Variants in AKAP6 observed in about 807,000 individuals in gnomAD.
The protein encoded by AKAP6 is A-kinase anchoring protein 6.
Under a neutral mutation model 188.5 loss-of-function variants are expected in AKAP6, and 58 were observed. The ratio of observed to expected loss-of-function variants is 0.31; its 90% CI spans 0.25 to 0.38. The LOEUF (loss-of-function observed/expected upper bound fraction) is 0.38, where lower values mean the gene tolerates loss of function less well. Among genes scored for constraint, AKAP6 ranks in the 10% least tolerant of loss-of-function variants. The pLI, the probability that AKAP6 is intolerant of heterozygous loss-of-function variation, is 1.00. For missense variants in AKAP6, 2,710 were observed against 2,740.0 expected (o/e 0.99, Z 0.24); for synonymous variants, 989 against 998.6 (o/e 0.99, Z 0.18).
intron 6 of AKAP6, among the ~76,000 whole-genome samples, chr14:32,600,167 T>C (rs144901851): frequency 3.9e-5 from 6 of 152,312 alleles, no homozygotes; most frequent in Admixed American, 3.3e-4. Flanking sequence ...ACAGTATTAA[T>C]TGGATTTACT....
chr14:32,524,176 G>A (rs1882005808), intron 2 of AKAP6, among the ~76,000 whole-genome samples: 2 of 151,810 alleles, frequency 1.3e-5, no homozygotes, highest in Non-Finnish European at 2.9e-5. Context: ...AAATGGAGAA[G>A]AGACTTAAAA....
chr14:32,638,140 C>T lies in AKAP6; in HGVS notation c.2730+37348C>T, dbSNP rs552585879. 2.0e-5 allele frequency among the ~76,000 whole-genome samples: 3 copies of T among 151,854 alleles called. No individual in the cohort carries two copies. The Admixed American group carries it at 2.0e-4, about 10-fold the overall frequency. ...AGTGGAGAGAGGAAGACCGAGCAGCCTCTACATCTAAGGAAAGGGCTAGTG... is the reference window on the plus strand; with the variant it reads ...AGTGGAGAGAGGAAGACCGAGCAGCTTCTACATCTAAGGAAAGGGCTAGTG... On this transcript the variant is annotated intron_variant, in intron 7 of 13. Transcript: ENST00000280979.
chr14:32,586,356 G>T (rs1170559935), intron 5 of AKAP6, among the ~76,000 whole-genome samples: 1 of 152,180 alleles, frequency 6.6e-6, no homozygotes, highest in Non-Finnish European at 1.5e-5. Flanking sequence ...GGCTGGCCAT[G>T]GTGGCTAATG....
intron 2 of AKAP6, among the ~76,000 whole-genome samples, chr14:32,437,554 C>T (rs997314807): frequency 1.4e-4 from 21 of 152,022 alleles, no homozygotes; most frequent in Middle Eastern, 3.2e-3. Context: ...TCTTAAAACC[C>T]CTGCCACCCA....
chr14:32,762,634 G>T (rs115084945), intron 11 of AKAP6, among the ~76,000 whole-genome samples: 1,809 of 151,992 alleles, frequency 0.012, 40 homozygotes, highest in African/African-American at 0.041. Flanking sequence ...GAATAGAAAT[G>T]CCCCTTTCCA....
In AKAP6 at chr14:32,823,401, G is replaced by T. The variant is rs377685887; in HGVS notation, c.5588G>T (p.Gly1863Val). ...CGTGTCTCTGAAAATAATGGAAATG[G>T]TAAGAATTCATCTCATACCCATGAG... The part of the protein sequence containing the change: ...VKRVSENNGN[G>V]KNSSHTHELG... Residue 1863 changes from glycine (G) to valine (V), a missense_variant, in exon 13 of 14, where the codon GGT becomes GTT. Physicochemically the swap from Gly to Val is moderately radical, Grantham distance 109. Transcript: ENST00000280979. 12 of 1,613,594 alleles carry T rather than the reference G, an allele frequency of 7.4e-6. No individual in the cohort carries two copies. Among genetic ancestry groups the T allele is most frequent in the African/African-American group, 1.3e-5 (1 of 74,862 alleles).
intron 7 of AKAP6, among the ~76,000 whole-genome samples, chr14:32,664,090 G>T (rs1270025126): frequency 6.6e-6 from 1 of 152,040 alleles, no homozygotes; most frequent in Non-Finnish European, 1.5e-5. Flanking sequence ...ATATCATTTT[G>T]CTTAACCTGT....
chr14:32,795,032 A>G (rs1233977849), intron 12 of AKAP6, among the ~76,000 whole-genome samples: 1 of 152,204 alleles, frequency 6.6e-6, no homozygotes. Context: ...CTAGAAATCT[A>G]GAAGAAATGG....
intron 2 of AKAP6, among the ~76,000 whole-genome samples, chr14:32,492,122 C>G (rs571202389): frequency 6.6e-5 from 10 of 152,046 alleles, no homozygotes; most frequent in African/African-American, 1.9e-4. Flanking sequence ...ATACCTCATA[C>G]TATCCTTCTA....
chr14:32,750,677 G>A (rs1197922858), intron 11 of AKAP6, among the ~76,000 whole-genome samples: 3 of 152,006 alleles, frequency 2.0e-5, no homozygotes, highest in East Asian at 3.9e-4. Flanking sequence ...GGTACAGTGA[G>A]CTACAATTGT....
chr14:32,360,712 AGTGTGTGTGTGT>A (rs35969035), intron 1 of AKAP6, among the ~76,000 whole-genome samples: 12 of 136,124 alleles, frequency 8.8e-5, no homozygotes, highest in South Asian at 2.5e-4. Flanking sequence ...TTGGCCATTG[AGTGTGTGTGTGT>A]GTGTGTGTGT....
intron 9 of AKAP6, among the ~76,000 whole-genome samples, chr14:32,717,498 TC>T (rs1594877305): frequency 6.6e-6 from 1 of 151,914 alleles, no homozygotes; most frequent in East Asian, 1.9e-4. Context: ...CTTTGTAACT[TC>T]CCCTATTTAC....
At chr14:32,348,819 G>A (rs1887163956) in intron 1 of AKAP6, among the ~76,000 whole-genome samples, 2 of 152,044 alleles carry the variant, frequency 1.3e-5, no homozygotes, top group South Asian at 4.1e-4. Context: ...CACTCTGCAG[G>A]GCCCAGATAA....
chr14:32,658,976 T>A (rs369792055), intron 7 of AKAP6, among the ~76,000 whole-genome samples: 24 of 152,100 alleles, frequency 1.6e-4, no homozygotes, highest in Non-Finnish European at 2.4e-4. Context: ...TTGTTAGAAT[T>A]TGTGTCCTTT....
intron 1 of AKAP6, among the ~76,000 whole-genome samples, chr14:32,330,566 T>G (rs905557493): frequency 1.3e-5 from 2 of 152,020 alleles, no homozygotes; most frequent in Admixed American, 1.3e-4. Flanking sequence ...TGTGGCTTAA[T>G]GCTGCCAAAT....
intron 2 of AKAP6, among the ~76,000 whole-genome samples, chr14:32,510,625 A>G (rs1474246591): frequency 6.6e-6 from 1 of 151,382 alleles, no homozygotes; most frequent in East Asian, 1.9e-4. Flanking sequence ...TATATAGCCT[A>G]CTTATAGACC....
At chr14:32,741,102 G>T (rs1379802574) in intron 11 of AKAP6, among the ~76,000 whole-genome samples, 1 of 149,830 alleles carries the variant, frequency 6.7e-6, no homozygotes, top group Non-Finnish European at 1.5e-5. Context: ...CAGTTCTTTG[G>T]TTAATTCCTG....
chr14:32,750,737 G>GTTTTTTTT (rs71293226), intron 11 of AKAP6, among the ~76,000 whole-genome samples: 3 of 138,368 alleles, frequency 2.2e-5, no homozygotes, highest in East Asian at 2.2e-4. Context: ...AATTAATTTT[G>GTTTTTTTT]TTTTTTTTTT....
chr14:32,359,077 C>A (rs1023253865), intron 1 of AKAP6, among the ~76,000 whole-genome samples: 1 of 152,032 alleles, frequency 6.6e-6, no homozygotes, highest in Non-Finnish European at 1.5e-5. Flanking sequence ...CTAAGTGCTG[C>A]GTGGGATTAA....
Sources: allele counts gnomAD v4.1 joint callset (sites outside exome capture counted in the v4.1 genomes callset), GRCh38; gene constraint gnomAD v4.1.1; transcripts MANE v1.5; gene names NCBI Gene and HGNC (gene_info 2026-07-23, HGNC 2026-07-21).